Variants in INPP4B observed in about 807,000 individuals in gnomAD.
INPP4B encodes inositol polyphosphate 4-phosphatase type II.
A neutral mutation model predicts 122.5 loss-of-function variants in INPP4B; 55 were observed. That is an observed-to-expected ratio of 0.45 (90% CI 0.36 to 0.56). The LOEUF is 0.56. Ranked by LOEUF, INPP4B falls within the 20% of genes least tolerant of loss-of-function variation. INPP4B has a pLI of 0.00. For missense variants in INPP4B, 1,000 were observed against 1,097.7 expected (o/e 0.91, Z 1.26); for synonymous variants, 403 against 388.7 (o/e 1.04, Z -0.43).
chr4:142,609,066 A>T (rs1018652394), intron 2 of INPP4B, among the ~76,000 whole-genome samples: 4 of 151,906 alleles, frequency 2.6e-5, no homozygotes, highest in Non-Finnish European at 4.4e-5. Flanking sequence ...CTATAATGAT[A>T]TTTCCTTTCT....
intron 2 of INPP4B, among the ~76,000 whole-genome samples, chr4:142,538,805 A>G (rs970690949): frequency 1.3e-5 from 2 of 152,048 alleles, no homozygotes; most frequent in Non-Finnish European, 1.5e-5. Context: ...TTAACAAAAC[A>G]TGTGTCCTAT....
chr4:142,702,910 C>T (rs1762002342), intron 2 of INPP4B, among the ~76,000 whole-genome samples: 1 of 152,104 alleles, frequency 6.6e-6, no homozygotes, highest in Admixed American at 6.6e-5. Context: ...TTTTTATCAA[C>T]AAGTGCTAAT....
intron 2 of INPP4B, among the ~76,000 whole-genome samples, chr4:142,564,162 G>A (rs1731077041): frequency 6.6e-6 from 1 of 152,118 alleles, no homozygotes. Flanking sequence ...CTATGTGCAA[G>A]CACGCTAACA....
At chr4:142,772,278 G>C (rs1010141584) in intron 1 of INPP4B, among the ~76,000 whole-genome samples, 4 of 152,130 alleles carry the variant, frequency 2.6e-5, no homozygotes, top group Non-Finnish European at 5.9e-5. Context: ...ATAACTGGGA[G>C]GCCTGTCCTT....
chr4:142,691,959 A>T (rs1312719125), intron 2 of INPP4B, among the ~76,000 whole-genome samples: 2 of 152,200 alleles, frequency 1.3e-5, no homozygotes. Context: ...TCTAATTTAA[A>T]AATCTATGAA....
At position 142,793,965 on chromosome 4, in the gene INPP4B, T is replaced by C. The variant is rs141643672; in HGVS notation, c.-254+52244A>G. On this transcript the variant is annotated intron_variant, in intron 1 of 25. Coordinates refer to ENST00000262992, the MANE Select transcript of INPP4B (RefSeq NM_001101669.3). ...ATATATTGGAAAATTATATAATGTA[T>C]AGATGTCAGTTCTACTCAAATTGAT... 2.5e-3 allele frequency among the ~76,000 whole-genome samples: 375 copies of C among 152,186 alleles called. 5 individuals are homozygous for C. Among genetic ancestry groups the C allele is most frequent in the East Asian group, 0.019 (96 of 5,180 alleles).
chr4:142,454,730 T>C (rs1163882593), intron 3 of INPP4B, among the ~76,000 whole-genome samples: 1 of 152,082 alleles, frequency 6.6e-6, no homozygotes, highest in Non-Finnish European at 1.5e-5. Flanking sequence ...TACCGTTCCT[T>C]ATTCCCCCTT....
chr4:142,545,281 G>A (rs1209326268), intron 2 of INPP4B, among the ~76,000 whole-genome samples: 1 of 152,098 alleles, frequency 6.6e-6, no homozygotes, highest in African/African-American at 2.4e-5. Context: ...TTTATTTTGT[G>A]CCAAACACTG....
Position 142,260,496 on chromosome 4 carries a change from A to G in INPP4B, c.684T>C (p.Asn228=). The G allele has an allele frequency of 1.3e-6, 2 of 1,594,576 alleles. No homozygotes were observed. Among genetic ancestry groups the G allele is most frequent in the Non-Finnish European group, 1.7e-6 (2 of 1,163,054 alleles). The stretch of plus-strand genomic sequence containing the variant: ...ATTTAAAACTGAGTTACATACCTGA[A>G]TTCAAAAAAGGTAAGTTATCTTTTC... The part of the protein sequence containing the change: ...VSGKDNLPFL[N]SVLKNPVCKL... Residue 228 remains asparagine (N), a synonymous_variant, in exon 11 of 26, where the codon AAT becomes AAC. Transcript: ENST00000262992.
intron 5 of INPP4B, among the ~76,000 whole-genome samples, chr4:142,416,396 C>T (rs563424771): frequency 6.6e-6 from 1 of 152,186 alleles, no homozygotes; most frequent in Admixed American, 6.5e-5. Context: ...AGGAGAATTG[C>T]ATTGTGCAGA....
At chr4:142,344,202 A>G (rs1035828367) in intron 7 of INPP4B, among the ~76,000 whole-genome samples, 13 of 152,116 alleles carry the variant, frequency 8.5e-5, no homozygotes, top group South Asian at 2.1e-4. Context: ...GAAATAAGAG[A>G]TATCTTTGCA....
chr4:142,452,508 C>T lies in INPP4B; in HGVS notation c.-127+10155G>A, dbSNP rs186911198. On this transcript the variant is annotated intron_variant, in intron 3 of 25. Coordinates refer to ENST00000262992, the MANE Select transcript of INPP4B (RefSeq NM_001101669.3). ...AGGGCTTAGCTAAATCTTTAAAATA[C>T]GGGGGTAAAATGTTTCAACAGAAGG... 4.1e-4 allele frequency among the ~76,000 whole-genome samples: 62 copies of T among 152,182 alleles called. 2 individuals carry two copies. The highest frequency in any genetic ancestry group is 1.3e-3 in the African/African-American group (53 of 41,520).
At chr4:142,381,913 T>C (rs933768262) in intron 7 of INPP4B, among the ~76,000 whole-genome samples, 4 of 152,052 alleles carry the variant, frequency 2.6e-5, no homozygotes, top group Non-Finnish European at 4.4e-5. Context: ...CTATTACAAT[T>C]AAAAAAACTA....
chr4:142,119,578 T>C (rs1795517969), intron 21 of INPP4B, among the ~76,000 whole-genome samples: 1 of 144,870 alleles, frequency 6.9e-6, no homozygotes, highest in South Asian at 2.1e-4. Flanking sequence ...TTTTCACTCA[T>C]AGGTGGGAAC....
intron 22 of INPP4B, among the ~76,000 whole-genome samples, chr4:142,109,754 T>C (rs1041602659): frequency 1.3e-5 from 2 of 152,176 alleles, no homozygotes; most frequent in Non-Finnish European, 2.9e-5. Context: ...CTTTAATTAT[T>C]GCATGAGCCG....
chr4:142,377,270 T>C (rs984556957), intron 7 of INPP4B, among the ~76,000 whole-genome samples: 2 of 151,888 alleles, frequency 1.3e-5, no homozygotes, highest in African/African-American at 4.8e-5. Context: ...ATTTTGCTGA[T>C]CTTTTTTTTC....
intron 2 of INPP4B, among the ~76,000 whole-genome samples, chr4:142,651,742 C>T (rs1474184209): frequency 2.0e-5 from 3 of 151,578 alleles, no homozygotes; most frequent in Non-Finnish European, 4.4e-5. Flanking sequence ...GCCTACCAAC[C>T]AAAAAAAAGT....
At chr4:142,498,838 ATAAT>A (rs946752921) in intron 2 of INPP4B, among the ~76,000 whole-genome samples, 44 of 152,268 alleles carry the variant, frequency 2.9e-4, no homozygotes, top group African/African-American at 8.4e-4. Flanking sequence ...TTAAAAATAA[ATAAT>A]TAATTGATTA....
At chr4:142,121,316 C>T (rs1027710916) in intron 21 of INPP4B, among the ~76,000 whole-genome samples, 1 of 151,976 alleles carries the variant, frequency 6.6e-6, no homozygotes, top group Non-Finnish European at 1.5e-5. Flanking sequence ...TATATGTTTA[C>T]TATCAACAGG....
Sources: gnomAD v4.1 joint callset for allele counts (sites outside exome capture counted in the v4.1 genomes callset) on GRCh38, gnomAD v4.1.1 for gene constraint, MANE v1.5 for transcripts, NCBI Gene and HGNC (gene_info 2026-07-23, HGNC 2026-07-21) for gene names.